Variants in CDH7 observed in about 807,000 individuals in gnomAD.
CDH7 encodes cadherin-7.
A neutral mutation model predicts 71.8 loss-of-function variants in CDH7; 25 were observed. The observed-to-expected ratio is 0.35, with a 90% CI of 0.25 to 0.49. The LOEUF is 0.49. Among genes scored for constraint, CDH7 ranks in the 20% least tolerant of loss-of-function variants. The pLI, the probability that CDH7 is intolerant of heterozygous loss-of-function variation, is 0.99. For synonymous variants in CDH7, 381 were observed against 363.8 expected (o/e 1.05, Z -0.54); for missense variants, 862 against 974.6 (o/e 0.88, Z 1.54).
intron 11 of CDH7, among the ~76,000 whole-genome samples, chr18:65,864,599 C>T (rs1908066700): frequency 6.6e-6 from 1 of 151,780 alleles, no homozygotes; most frequent in African/African-American, 2.4e-5. Flanking sequence ...TTAAAAATTA[C>T]ATTTGTGGGC....
intron 2 of CDH7, among the ~76,000 whole-genome samples, chr18:65,800,272 G>A (rs141654932): frequency 6.6e-6 from 1 of 151,940 alleles, no homozygotes; most frequent in Admixed American, 6.6e-5. Flanking sequence ...ATAGAGACAG[G>A]GTTTCACCAT....
At chr18:65,876,864 T>C (rs1162612858) in intron 11 of CDH7, among the ~76,000 whole-genome samples, 1 of 152,212 alleles carries the variant, frequency 6.6e-6, no homozygotes, top group East Asian at 1.9e-4. Flanking sequence ...TAAACAGATA[T>C]GTAAATTCCT....
intron 2 of CDH7, among the ~76,000 whole-genome samples, chr18:65,807,918 T>C (rs1911383461): frequency 6.6e-6 from 1 of 152,182 alleles, no homozygotes; most frequent in Admixed American, 6.5e-5. Context: ...CATCAGCTCT[T>C]GAAGACCCTA....
intron 2 of CDH7, among the ~76,000 whole-genome samples, chr18:65,779,216 A>G (rs551281065): frequency 6.7e-6 from 1 of 149,496 alleles, no homozygotes; most frequent in Non-Finnish European, 1.5e-5. Context: ...GAAATCTTTC[A>G]TACAGAATTG....
intron 2 of CDH7, among the ~76,000 whole-genome samples, chr18:65,793,287 G>A (rs935683468): frequency 3.3e-5 from 5 of 151,816 alleles, no homozygotes; most frequent in African/African-American, 1.2e-4. Flanking sequence ...ATAAAAATTG[G>A]CTGGTTGCGG....
intron 2 of CDH7, among the ~76,000 whole-genome samples, chr18:65,785,892 C>A (rs938604614): frequency 2.0e-5 from 3 of 152,110 alleles, no homozygotes; most frequent in Non-Finnish European, 4.4e-5. Context: ...GTACATATAG[C>A]AGTAGAATAT....
intron 2 of CDH7, among the ~76,000 whole-genome samples, chr18:65,786,690 C>CT (rs528419162): frequency 1.3e-5 from 2 of 152,100 alleles, no homozygotes; most frequent in Admixed American, 6.6e-5. Context: ...CTCTCTTTCT[C>CT]TTTTTTTCTT....
At chr18:65,752,173 T>C (rs1384177154) in intron 1 of CDH7, among the ~76,000 whole-genome samples, 1 of 152,232 alleles carries the variant, frequency 6.6e-6, no homozygotes, top group Non-Finnish European at 1.5e-5. Flanking sequence ...CTGTAGCTAC[T>C]AGACAGGTGT....
rs563790066 is a variant in CDH7, at chr18:65,851,256, TA to T, written c.1236-6559del. The stretch of plus-strand genomic sequence containing the variant: ...GTCTATATCAAACCTGTACGATCCT[TA>T]CAGCAATACACACACACACACACAA... On this transcript the variant is annotated intron_variant, in intron 7 of 11. Transcript: ENST00000397968. 1.5e-3 allele frequency among the ~76,000 whole-genome samples: 234 copies of T among 152,266 alleles called. 1 individual carries two copies. Among genetic ancestry groups the T allele is most frequent in the African/African-American group, 5.2e-3 (216 of 41,552 alleles).
At chr18:65,788,874 G>A (rs918049153) in intron 2 of CDH7, among the ~76,000 whole-genome samples, 1 of 152,164 alleles carries the variant, frequency 6.6e-6, no homozygotes, top group African/African-American at 2.4e-5. Flanking sequence ...AGCTAACACA[G>A]TTTGCCTAGT....
chr18:65,808,735 A>T (rs17075227), intron 2 of CDH7, among the ~76,000 whole-genome samples: 1 of 152,130 alleles, frequency 6.6e-6, no homozygotes, highest in African/African-American at 2.4e-5. Context: ...AAATGCAAAC[A>T]TAGTTCTTAA....
intron 7 of CDH7, among the ~76,000 whole-genome samples, chr18:65,851,729 A>G (rs971707836): frequency 3.3e-5 from 5 of 152,250 alleles, no homozygotes; most frequent in African/African-American, 1.2e-4. Context: ...TCTGAAAATG[A>G]GAATTCATCC....
chr18:65,863,029 G>A (rs1340747956), intron 11 of CDH7, 112 bp downstream of exon 11: 18 of 1,225,064 alleles, frequency 1.5e-5, no homozygotes, highest in Non-Finnish European at 1.8e-5. Context: ...TCTACTGGAT[G>A]GTGTTTGTTT....
Position 65,882,962 on chromosome 18 carries a change from T to C in CDH7, c.*2068T>C, listed in dbSNP as rs539692704. ...AATAGTTTAGTACATTTGGATGATG[T>C]CAAAACTGCTGATTGTTGCACATAC... On this transcript the variant is annotated 3_prime_UTR_variant, in exon 12 of 12. Coordinates refer to ENST00000397968, the MANE Select transcript of CDH7 (RefSeq NM_004361.5). The C allele has an allele frequency of 2.6e-5, 4 of 152,228 alleles. No individual in the cohort carries two copies. The highest frequency in any genetic ancestry group is 5.9e-5 in the Non-Finnish European group (4 of 67,966). The allele number at this position is 152,228 out of a possible 1,614,324, so 9.4% of individuals were successfully genotyped here. A position where few individuals can be genotyped will look rare whatever the true frequency, so the allele number is the denominator to read the frequency against.
In CDH7 at chr18:65,880,471, C is replaced by T; in HGVS notation, c.1935C>T (p.Asp645=). 6.3e-7 allele frequency: 1 copy of T among 1,591,754 alleles called. No homozygotes were observed. The highest frequency in any genetic ancestry group is 1.2e-5 in the South Asian group (1 of 86,714). ...KEPLIFDEER[D]IRENIVRYDD... is the part of the protein sequence containing the mutation. ...CCCTTATTTTTGACGAAGAAAGAGA[C>T]ATCAGAGAAAATATTGTGAGATACG... The change falls in exon 12 of 12, where the codon GAC becomes GAT. Residue 645 remains aspartate, a synonymous_variant. Transcript: ENST00000397968.
At chr18:65,781,897 TCTCTA>T (rs1910251639) in intron 2 of CDH7, among the ~76,000 whole-genome samples, 1 of 109,220 alleles carries the variant, frequency 9.2e-6, no homozygotes, top group Non-Finnish European at 1.8e-5. Flanking sequence ...TCTCTCTTTC[TCTCTA>T]TCTTTCTCTC....
intron 2 of CDH7, among the ~76,000 whole-genome samples, chr18:65,800,132 T>C (rs889192242): frequency 1.3e-5 from 2 of 152,008 alleles, no homozygotes; most frequent in Non-Finnish European, 1.5e-5. Flanking sequence ...CAGGCTGGAG[T>C]GAAGTGGTGT....
chr18:65,812,235 G>A (rs1049365050), intron 3 of CDH7, among the ~76,000 whole-genome samples: 3 of 151,912 alleles, frequency 2.0e-5, no homozygotes, highest in Non-Finnish European at 2.9e-5. Context: ...CCAAAGTGAT[G>A]GGATTACAGG....
intron 2 of CDH7, among the ~76,000 whole-genome samples, chr18:65,795,942 C>T (rs1168406080): frequency 6.7e-6 from 1 of 150,118 alleles, no homozygotes; most frequent in East Asian, 1.9e-4. Flanking sequence ...CATTCTCTCT[C>T]CTGCCCCCCT....
Sources: allele counts gnomAD v4.1 joint callset (sites outside exome capture counted in the v4.1 genomes callset), GRCh38; gene constraint gnomAD v4.1.1; transcripts MANE v1.5; gene names NCBI Gene and HGNC (gene_info 2026-07-23, HGNC 2026-07-21).